Variants in CDH6 observed in about 807,000 individuals in gnomAD.
CDH6 encodes cadherin 6.
CDH6 carries 31 observed loss-of-function variants against 78.0 expected under a neutral mutation model. That is an observed-to-expected ratio of 0.40 (90% CI 0.30 to 0.54). The LOEUF (loss-of-function observed/expected upper bound fraction) is 0.54, where lower values mean the gene tolerates loss of function less well. Among genes scored for constraint, CDH6 ranks in the 20% least tolerant of loss-of-function variants. The pLI is 0.56. For missense variants in CDH6, 724 were observed against 975.9 expected, an observed-to-expected ratio of 0.74 and a Z score of 3.44; for synonymous variants, 376 against 368.8, an observed-to-expected ratio of 1.02 and a Z score of -0.23.
chr5:31,205,733 C>CT (rs1468900230), intron 1 of CDH6, among the ~76,000 whole-genome samples: 2 of 151,784 alleles, frequency 1.3e-5, no homozygotes, highest in Non-Finnish European at 2.9e-5. Flanking sequence ...AAGTGAATGA[C>CT]TTTTTTTTGC....
At chr5:31,318,053 T>C (rs1230393458) in intron 11 of CDH6, 129 bp downstream of exon 11, 9 of 1,094,184 alleles carry the variant, frequency 8.2e-6, no homozygotes, top group African/African-American at 1.5e-5. Flanking sequence ...AGTTACATAC[T>C]GAGAATCTGT....
At chr5:31,322,743 C>T in intron 11 of CDH6, 75 bp from the exon 12 acceptor site, 3 of 1,496,036 alleles carry the variant, frequency 2.0e-6, no homozygotes, top group Non-Finnish European at 1.8e-6. Context: ...CATTTGAGCA[C>T]AGTGTTTCTT....
At chr5:31,208,579 G>T (rs1229637883) in intron 1 of CDH6, among the ~76,000 whole-genome samples, 1 of 152,110 alleles carries the variant, frequency 6.6e-6, no homozygotes, top group East Asian at 1.9e-4. Context: ...GCATTGAATT[G>T]TTTACAGTTT....
chr5:31,285,071 G>A (rs917006798), intron 2 of CDH6, among the ~76,000 whole-genome samples: 2 of 152,208 alleles, frequency 1.3e-5, no homozygotes, highest in Non-Finnish European at 2.9e-5. Context: ...TGGCACTAGA[G>A]CTTGAGGGAA....
intron 3 of CDH6, among the ~76,000 whole-genome samples, chr5:31,295,262 T>C (rs1579892820): frequency 2.0e-5 from 3 of 152,218 alleles, no homozygotes; most frequent in Admixed American, 2.0e-4. Context: ...AATTTTGTTT[T>C]TTCTTCTTCT....
chr5:31,205,565 T>A (rs939786117), intron 1 of CDH6, among the ~76,000 whole-genome samples: 9 of 152,252 alleles, frequency 5.9e-5, no homozygotes, highest in African/African-American at 1.9e-4. Flanking sequence ...GGAAACAGAA[T>A]GTACCCCTGA....
chr5:31,246,299 T>G (rs1156655993), intron 1 of CDH6, among the ~76,000 whole-genome samples: 1 of 152,190 alleles, frequency 6.6e-6, no homozygotes, highest in East Asian at 1.9e-4. Flanking sequence ...TTTTTCTCAC[T>G]AAGGAATAGA....
chr5:31,323,201 G>A lies in CDH6; in HGVS notation c.2266G>A (p.Val756Met). Residue 756 changes from valine (V) to methionine (M), a missense_variant, in exon 12 of 12, where the codon GTG becomes ATG. Val to Met is a conservative substitution (Grantham distance 21, BLOSUM62 1). Transcript: ENST00000265071. Reference sequence around the variant, plus strand: ...GGATTCCCTGAGCTCGCTGGAGTCAGTGACCACGGATGCAGATCAAGACTA... The same window carrying A: ...GGATTCCCTGAGCTCGCTGGAGTCAATGACCACGGATGCAGATCAAGACTA... ...VADSLSSLES[V>M]TTDADQDYDY... 6.2e-7 allele frequency: 1 copy of A among 1,614,206 alleles called. No homozygotes were observed. The highest frequency in any genetic ancestry group is 8.5e-7 in the Non-Finnish European group (1 of 1,180,028).
intron 1 of CDH6, 96 bp from the exon 2 acceptor site, chr5:31,267,250 A>T: frequency 2.0e-6 from 1 of 497,670 alleles, no homozygotes; most frequent in Non-Finnish European, 3.6e-6. Flanking sequence ...TTGTTTTGCT[A>T]TTCAAATTTC....
rs146358683 is a variant in CDH6, at chr5:31,293,772, T to C, written c.229-190T>C. Among the ~76,000 whole-genome samples the C allele has an allele frequency of 2.0e-3, 305 of 151,760 alleles. 2 individuals are homozygous for C. Among genetic ancestry groups the C allele is most frequent in the Middle Eastern group, 0.01 (3 of 294 alleles). Reference sequence around the variant, plus strand: ...TTCCAGTTCTGAAAAATTCCATGATTATAAGGAAACATGTTCATTAATGAA... The same window carrying C: ...TTCCAGTTCTGAAAAATTCCATGATCATAAGGAAACATGTTCATTAATGAA... On this transcript the variant is annotated intron_variant, in intron 2 of 11. Transcript: ENST00000265071.
At chr5:31,234,803 T>G (rs1741407535) in intron 1 of CDH6, among the ~76,000 whole-genome samples, 1 of 152,226 alleles carries the variant, frequency 6.6e-6, no homozygotes, top group Non-Finnish European at 1.5e-5. Flanking sequence ...ATGACACATA[T>G]GCATACATAT....
chr5:31,245,426 C>T (rs1290963500), intron 1 of CDH6, among the ~76,000 whole-genome samples: 2 of 151,862 alleles, frequency 1.3e-5, no homozygotes, highest in African/African-American at 4.8e-5. Context: ...CTGTCTTTCC[C>T]TTTCTCTCTC....
intron 1 of CDH6, among the ~76,000 whole-genome samples, chr5:31,219,462 ACT>A (rs1740952046): frequency 6.6e-6 from 1 of 151,754 alleles, no homozygotes; most frequent in Non-Finnish European, 1.5e-5. Flanking sequence ...TGCCATTCCT[ACT>A]CTCTGAAACT....
intron 1 of CDH6, chr5:31,249,274 A>T (rs1232106948): frequency 1.3e-5 from 2 of 152,198 alleles, no homozygotes; most frequent in Admixed American, 1.3e-4. Context: ...TAGGTTTTCC[A>T]CACTGAGTAG....
At chr5:31,243,347 T>C (rs1003488661) in intron 1 of CDH6, among the ~76,000 whole-genome samples, 1 of 152,102 alleles carries the variant, frequency 6.6e-6, no homozygotes, top group African/African-American at 2.4e-5. Context: ...CCAGACCACA[T>C]CAGTCTCAGC....
chr5:31,306,761 G>T (rs367602136), intron 7 of CDH6, among the ~76,000 whole-genome samples: 1 of 152,024 alleles, frequency 6.6e-6, no homozygotes, highest in South Asian at 2.1e-4. Flanking sequence ...TTCTAATTGG[G>T]GCAAGCAGAA....
Position 31,323,970 on chromosome 5 carries a change from C to T in CDH6, c.*662C>T. 4.4e-6 allele frequency: 1 copy of T among 228,124 alleles called. No homozygotes were observed. The highest frequency in any genetic ancestry group is 8.7e-6 in the Non-Finnish European group (1 of 114,940). 14.1% of individuals were successfully genotyped at this position (228,124 alleles called of 1,614,324 possible). A position where few individuals can be genotyped will look rare whatever the true frequency, so the allele number is the denominator to read the frequency against. On this transcript the variant is annotated 3_prime_UTR_variant, in exon 12 of 12. Coordinates refer to ENST00000265071, the MANE Select transcript of CDH6 (RefSeq NM_004932.4). The stretch of plus-strand genomic sequence containing the variant: ...AAACCTAGTACGACTTCATTCCTTC[C>T]ACTAACTCATAGTTTGTTATATCCT...
intron 1 of CDH6, among the ~76,000 whole-genome samples, chr5:31,245,995 C>A (rs891999602): frequency 6.6e-6 from 1 of 150,892 alleles, no homozygotes; most frequent in African/African-American, 2.4e-5. Flanking sequence ...GCAACCTCCA[C>A]CTCCTGGGTT....
intron 6 of CDH6, among the ~76,000 whole-genome samples, chr5:31,302,968 G>GAGAAAGA (rs1737870710): frequency 8.4e-6 from 1 of 119,024 alleles, no homozygotes; most frequent in Non-Finnish European, 1.8e-5. Context: ...GGAAAGAAAA[G>GAGAAAGA]AAAGAAAGAA....
Sources: gnomAD v4.1 joint callset for allele counts (sites outside exome capture counted in the v4.1 genomes callset) on GRCh38, gnomAD v4.1.1 for gene constraint, MANE v1.5 for transcripts, NCBI Gene and HGNC (gene_info 2026-07-23, HGNC 2026-07-21) for gene names.